GALNT13: variants seen among roughly 807,000 people sequenced by gnomAD.
The protein encoded by GALNT13 is UDP-GalNAc:polypeptide N-acetylgalactosaminyltransferase 13.
A neutral mutation model predicts 64.2 loss-of-function variants in GALNT13; 28 were observed. That is an observed-to-expected ratio of 0.44 (90% CI 0.32 to 0.60). GALNT13 has a LOEUF of 0.60. Ranked by LOEUF, GALNT13 falls within the 20% of genes least tolerant of loss-of-function variation. GALNT13 has a pLI of 0.05. For missense variants in GALNT13, 577 were observed against 669.8 expected (o/e 0.86, Z 1.53); for synonymous variants, 214 against 224.6 (o/e 0.95, Z 0.42).
chr2:153,695,206 C>A, the GALNT13 span, among the ~76,000 whole-genome samples: 1 of 152,080 alleles, frequency 6.6e-6, no homozygotes, highest in Non-Finnish European at 1.5e-5. Context: ...ACTTAGGGAC[C>A]ATGTAGGCAT....
At chr2:153,931,426 T>A (rs1690509722) in intron 2 of GALNT13, among the ~76,000 whole-genome samples, 1 of 151,840 alleles carries the variant, frequency 6.6e-6, no homozygotes, top group African/African-American at 2.4e-5. Context: ...TTTTTCTAGA[T>A]CTTAAGGAGA....
At chr2:153,452,714 G>A in the GALNT13 span, among the ~76,000 whole-genome samples, 1 of 151,968 alleles carries the variant, frequency 6.6e-6, no homozygotes, top group Non-Finnish European at 1.5e-5. Flanking sequence ...GAAATCTACA[G>A]ATTCAAGCTA....
the GALNT13 span, among the ~76,000 whole-genome samples, chr2:153,639,258 C>T: frequency 6.6e-6 from 1 of 151,790 alleles, no homozygotes; most frequent in Non-Finnish European, 1.5e-5. Context: ...TGTAATTAAG[C>T]ATTTATTGAA....
intron 3 of GALNT13, among the ~76,000 whole-genome samples, chr2:153,979,724 A>T (rs1307559099): frequency 6.6e-6 from 1 of 152,194 alleles, no homozygotes; most frequent in Non-Finnish European, 1.5e-5. Context: ...ACATTCTTCA[A>T]CCTCATTACA....
chr2:154,414,429 T>G (rs1699917201), intron 11 of GALNT13, among the ~76,000 whole-genome samples: 1 of 152,006 alleles, frequency 6.6e-6, no homozygotes, highest in Non-Finnish European at 1.5e-5. Context: ...CACACCAGGT[T>G]TATAGTCACT....
the GALNT13 span, among the ~76,000 whole-genome samples, chr2:153,100,439 A>T: frequency 1.3e-5 from 2 of 152,242 alleles, no homozygotes; most frequent in South Asian, 2.1e-4. Context: ...TTAGAGCTGT[A>T]TGGAGAAGGC....
chr2:154,146,798 A>G (rs572285497), intron 4 of GALNT13, among the ~76,000 whole-genome samples: 2 of 142,618 alleles, frequency 1.4e-5, no homozygotes, highest in African/African-American at 4.9e-5. Context: ...CTCCTGCATT[A>G]CAGAGTTTCC....
downstream of GALNT13, among the ~76,000 whole-genome samples, chr2:154,454,191 C>T (rs540968203): frequency 6.6e-6 from 1 of 152,178 alleles, no homozygotes; most frequent in East Asian, 1.9e-4. Context: ...TACAGATGAC[C>T]TTGTCTTAGT....
chr2:153,925,037 G>T (rs926066037), intron 2 of GALNT13, among the ~76,000 whole-genome samples: 3 of 152,062 alleles, frequency 2.0e-5, no homozygotes, highest in Non-Finnish European at 2.9e-5. Context: ...TTTCTTTGCT[G>T]TGCAGAAGCT....
intron 4 of GALNT13, among the ~76,000 whole-genome samples, chr2:154,159,637 A>G (rs1340167073): frequency 6.6e-6 from 1 of 152,190 alleles, no homozygotes; most frequent in African/African-American, 2.4e-5. Context: ...ATGATGAAAG[A>G]GGTATAGATC....
intron 3 of GALNT13, among the ~76,000 whole-genome samples, chr2:153,990,193 G>T (rs1054056245): frequency 5.3e-5 from 8 of 151,930 alleles, no homozygotes; most frequent in Admixed American, 3.3e-4. Flanking sequence ...TAAATAACTT[G>T]CTCAAAATCA....
the GALNT13 span, among the ~76,000 whole-genome samples, chr2:153,656,413 T>TA: frequency 2.0e-5 from 3 of 150,886 alleles, no homozygotes; most frequent in South Asian, 4.2e-4. Flanking sequence ...ACTGTGATCA[T>TA]AAAAAAAAAG....
chr2:153,147,149 C>CA, the GALNT13 span, among the ~76,000 whole-genome samples: 23 of 138,272 alleles, frequency 1.7e-4, no homozygotes, highest in African/African-American at 1.6e-4. Context: ...CCCATTTGGG[C>CA]AAAAAAGAAA....
chr2:153,325,771 G>A, the GALNT13 span, among the ~76,000 whole-genome samples: 1 of 152,188 alleles, frequency 6.6e-6, no homozygotes, highest in South Asian at 2.1e-4. Flanking sequence ...AGTCATTCAG[G>A]AGGAGGTTGT....
At chr2:153,472,311 C>T in the GALNT13 span, among the ~76,000 whole-genome samples, 1 of 151,924 alleles carries the variant, frequency 6.6e-6, no homozygotes, top group African/African-American at 2.4e-5. Context: ...TAAAAAATAC[C>T]AACATGTAGG....
chr2:153,248,781 G>A, the GALNT13 span, among the ~76,000 whole-genome samples: 14 of 136,126 alleles, frequency 1.0e-4, no homozygotes, highest in Admixed American at 9.8e-4. Flanking sequence ...GAGCCATTGC[G>A]CTCCAGCCTG....
At chr2:154,430,534 G>T (rs181198619) in intron 11 of GALNT13, among the ~76,000 whole-genome samples, 130 of 152,302 alleles carry the variant, frequency 8.5e-4, no homozygotes, top group Middle Eastern at 3.4e-3. Flanking sequence ...TTGAGATGGT[G>T]TCTACTCCTA....
At chr2:154,284,934 A>C (rs1008652705) in intron 8 of GALNT13, among the ~76,000 whole-genome samples, 54 of 152,124 alleles carry the variant, frequency 3.5e-4, no homozygotes, top group African/African-American at 1.1e-3. Context: ...AATAGATGTG[A>C]GGTGATATCT....
chr2:153,877,738 G>T (rs1398124384), intron 1 of GALNT13, among the ~76,000 whole-genome samples: 2 of 151,982 alleles, frequency 1.3e-5, no homozygotes, highest in Non-Finnish European at 1.5e-5. Context: ...AAAGAAAAAT[G>T]GAATAAAATA....
Sources: allele counts gnomAD v4.1 joint callset (sites outside exome capture counted in the v4.1 genomes callset), GRCh38; gene constraint gnomAD v4.1.1; transcripts MANE v1.5; gene names NCBI Gene and HGNC (gene_info 2026-07-23, HGNC 2026-07-21).